NLGN1: variants seen among roughly 807,000 people sequenced by gnomAD.
NLGN1 encodes neuroligin 1.
NLGN1 carries 12 observed loss-of-function variants against 65.5 expected under a neutral mutation model. The observed-to-expected ratio is 0.18, with a 90% confidence interval of 0.12 to 0.30. NLGN1 has a LOEUF of 0.30. Ranked by LOEUF, NLGN1 falls within the 10% of genes least tolerant of loss-of-function variation. NLGN1 has a pLI of 1.00. For missense variants in NLGN1, 750 were observed against 1,007.1 expected (o/e 0.74, Z 3.46); for synonymous variants, 350 against 359.5 (o/e 0.97, Z 0.30).
intron 4 of NLGN1, among the ~76,000 whole-genome samples, chr3:174,153,131 T>C (rs536860339): frequency 1.3e-5 from 2 of 152,236 alleles, no homozygotes; most frequent in East Asian, 3.9e-4. Context: ...TTTCATAGGC[T>C]TCAAATCTTA....
chr3:173,826,878 T>C (rs1475683841), intron 4 of NLGN1, among the ~76,000 whole-genome samples: 2 of 152,132 alleles, frequency 1.3e-5, no homozygotes, highest in Non-Finnish European at 2.9e-5. Flanking sequence ...AAAAGGTCTC[T>C]GGTTTGCAGT....
At chr3:173,640,511 T>C (rs1321693964) in intron 3 of NLGN1, among the ~76,000 whole-genome samples, 1 of 152,170 alleles carries the variant, frequency 6.6e-6, no homozygotes, top group Non-Finnish European at 1.5e-5. Flanking sequence ...AATGCGTATC[T>C]CTTATGAATA....
chr3:173,573,473 A>G (rs1744975476), intron 2 of NLGN1, among the ~76,000 whole-genome samples: 1 of 149,642 alleles, frequency 6.7e-6, no homozygotes, highest in Non-Finnish European at 1.5e-5. Context: ...ATGTATCTTC[A>G]TATGTATATT....
intron 2 of NLGN1, among the ~76,000 whole-genome samples, chr3:173,539,640 A>AGGATATATGTATATATG: frequency 8.9e-6 from 1 of 111,812 alleles, no homozygotes; most frequent in Non-Finnish European, 1.7e-5. Context: ...ATACACATAT[A>AGGATATATGTATATATG]TACATATATA....
At chr3:174,126,148 C>T (rs1319630702) in intron 4 of NLGN1, among the ~76,000 whole-genome samples, 2 of 152,092 alleles carry the variant, frequency 1.3e-5, no homozygotes, top group East Asian at 3.9e-4. Flanking sequence ...GAGCCTTCAC[C>T]TTTCCCTTTC....
chr3:173,974,124 A>G (rs1456088965), intron 4 of NLGN1, among the ~76,000 whole-genome samples: 1 of 152,032 alleles, frequency 6.6e-6, no homozygotes. Flanking sequence ...TCAAAGAGCA[A>G]TTAAAGTTAA....
chr3:173,974,210 GA>G (rs1716918685), intron 4 of NLGN1, among the ~76,000 whole-genome samples: 1 of 148,482 alleles, frequency 6.7e-6, no homozygotes, highest in Admixed American at 6.7e-5. Flanking sequence ...GGTATTTGAT[GA>G]AAGATTTACT....
chr3:174,220,618 G>A (rs1440131441), intron 4 of NLGN1, among the ~76,000 whole-genome samples: 1 of 152,152 alleles, frequency 6.6e-6, no homozygotes, highest in Admixed American at 6.6e-5. Context: ...GTGTGCATAT[G>A]TAAAACTTTA....
chr3:173,462,916 T>C (rs889005840), intron 2 of NLGN1, among the ~76,000 whole-genome samples: 1 of 152,186 alleles, frequency 6.6e-6, no homozygotes, highest in Admixed American at 6.5e-5. Flanking sequence ...CTAGTTCTTC[T>C]CTTCAAAATT....
At chr3:174,096,438 T>A (rs1033488213) in intron 4 of NLGN1, among the ~76,000 whole-genome samples, 1 of 152,036 alleles carries the variant, frequency 6.6e-6, no homozygotes, top group East Asian at 1.9e-4. Context: ...ACTTAAACAA[T>A]ATAATCATGG....
chr3:174,148,779 T>G (rs1723809573), intron 4 of NLGN1, among the ~76,000 whole-genome samples: 1 of 152,200 alleles, frequency 6.6e-6, no homozygotes, highest in Non-Finnish European at 1.5e-5. Context: ...AAATGTTTAC[T>G]TAGCATTTAC....
chr3:173,807,558 A>G, intron 3 of NLGN1, 122 bp from the exon 4 acceptor site: 2 of 1,045,436 alleles, frequency 1.9e-6, no homozygotes, highest in Admixed American at 2.5e-5. Context: ...TTTAATAAAA[A>G]CAGCAGTTTA....
chr3:173,554,991 A>G (rs767498649), intron 2 of NLGN1, among the ~76,000 whole-genome samples: 6 of 152,116 alleles, frequency 3.9e-5, no homozygotes, highest in Admixed American at 6.5e-5. Context: ...TTTAACTTGC[A>G]TTACTCCAAT....
chr3:174,154,779 G>A (rs1561173661), intron 4 of NLGN1, among the ~76,000 whole-genome samples: 1 of 150,028 alleles, frequency 6.7e-6, no homozygotes, highest in Non-Finnish European at 1.5e-5. Context: ...ATACATGCAT[G>A]TGTATTTATA....
chr3:173,566,510 GAA>G (rs897227997), intron 2 of NLGN1, among the ~76,000 whole-genome samples: 2 of 151,656 alleles, frequency 1.3e-5, no homozygotes, highest in Non-Finnish European at 2.9e-5. Context: ...AATAAATTTG[GAA>G]AAAAAATATT....
intron 4 of NLGN1, among the ~76,000 whole-genome samples, chr3:174,178,819 A>G (rs1729896839): frequency 6.6e-6 from 1 of 152,072 alleles, no homozygotes; most frequent in Non-Finnish European, 1.5e-5. Context: ...TGTGCTTTTT[A>G]TGGTTATTAG....
At chr3:173,638,215 A>T in intron 3 of NLGN1, among the ~76,000 whole-genome samples, 1 of 151,738 alleles carries the variant, frequency 6.6e-6, no homozygotes, top group African/African-American at 2.4e-5. Context: ...TGTAGCCATA[A>T]AGGTGAAAAA....
chr3:174,001,119 T>G (rs765515611), intron 4 of NLGN1, among the ~76,000 whole-genome samples: 7 of 152,152 alleles, frequency 4.6e-5, no homozygotes, highest in Non-Finnish European at 7.3e-5. Context: ...GAAAAAACAT[T>G]CTAAAATATT....
intron 3 of NLGN1, among the ~76,000 whole-genome samples, chr3:173,727,084 G>C (rs978075928): frequency 2.0e-5 from 3 of 152,122 alleles, no homozygotes; most frequent in Non-Finnish European, 4.4e-5. Flanking sequence ...TATCAATTGA[G>C]AAGAGAGTCA....
Sources: allele counts gnomAD v4.1 joint callset (sites outside exome capture counted in the v4.1 genomes callset), GRCh38; gene constraint gnomAD v4.1.1; transcripts MANE v1.5; gene names NCBI Gene and HGNC (gene_info 2026-07-23, HGNC 2026-07-21).